The following PTPRA variants were observed in gnomAD, a reference collection of about 807,000 sequenced individuals.
The protein encoded by PTPRA is receptor-type tyrosine-protein phosphatase alpha.
PTPRA carries 25 observed loss-of-function variants against 104.8 expected under a neutral mutation model. That is an observed-to-expected ratio of 0.24 (90% confidence interval 0.17 to 0.33). The LOEUF is 0.33. Among genes scored for constraint, PTPRA ranks in the 10% least tolerant of loss-of-function variants. The pLI is 1.00. For missense variants in PTPRA, 765 were observed against 1,015.3 expected, an observed-to-expected ratio of 0.75 and a Z score of 3.35; for synonymous variants, 323 against 368.9, an observed-to-expected ratio of 0.88 and a Z score of 1.43.
intron 3 of PTPRA, among the ~76,000 whole-genome samples, chr20:2,951,589 C>CA (rs1407574719): frequency 6.6e-6 from 1 of 152,220 alleles, no homozygotes; most frequent in African/African-American, 2.4e-5. Context: ...CTGCAGAACT[C>CA]ACTGAAATTA....
At chr20:2,881,547 A>G (rs948816822) in intron 1 of PTPRA, among the ~76,000 whole-genome samples, 1 of 152,068 alleles carries the variant, frequency 6.6e-6, no homozygotes, top group Non-Finnish European at 1.5e-5. Context: ...ACAGGGTCTC[A>G]CTCTGTTGCC....
chr20:3,024,568 A>C lies in PTPRA; in HGVS notation c.1561A>C (p.Ile521Leu). 1 of 1,614,150 alleles carries C rather than the reference A, an allele frequency of 6.2e-7. No individual in the cohort carries two copies. Among genetic ancestry groups the C allele is most frequent in the Non-Finnish European group, 8.5e-7 (1 of 1,180,026 alleles). Residue 521 changes from isoleucine to leucine, a missense_variant, in exon 17 of 24, where the codon ATT becomes CTT. Physicochemically the swap from Ile to Leu is conservative, Grantham distance 5. Around this residue, in one of 4 missense-constraint regions of PTPRA, gnomAD observed 192 missense variants for 227.0 expected, o/e 0.85. Coordinates refer to ENST00000399903, the MANE Select transcript of PTPRA (RefSeq NM_001385305.1). ...VTSLETHLQK[I>L]YNKIPGTSNN... ...CTCTCTAGAAACCCACCTGCAGAAA[A>C]TTTACAACAAAATCCCAGGGACCAG...
chr20:2,988,404 T>C lies in PTPRA; in HGVS notation c.668T>C (p.Val223Ala), dbSNP rs1381890692. The change falls in exon 9 of 24, where the codon GTG becomes GCG. Residue 223 changes from valine to alanine, a missense_variant. Around this residue, in one of 4 missense-constraint regions of PTPRA, gnomAD observed 245 missense variants for 398.7 expected, o/e 0.61. Transcript: ENST00000399903. ...STNRKYPPLPVDKLEEEINRR... is the reference protein window; with the variant it reads ...STNRKYPPLPADKLEEEINRR... ...AACAGGAAATACCCACCCCTGCCCG[T>C]GGACAAGCTGGAAGAGGAAATTAAC... The C allele has an allele frequency of 4.3e-6, 7 of 1,612,704 alleles. No individual in the cohort carries two copies. The highest frequency in any genetic ancestry group is 1.3e-5 in the African/African-American group (1 of 74,856).
intron 1 of PTPRA, among the ~76,000 whole-genome samples, chr20:2,888,329 A>G (rs564029129): frequency 3.3e-5 from 5 of 152,194 alleles, no homozygotes; most frequent in Non-Finnish European, 7.4e-5. Context: ...GGAGGCCAAC[A>G]TGGGAGGATC....
chr20:2,930,712 A>T (rs1163277089), intron 2 of PTPRA, among the ~76,000 whole-genome samples: 1 of 152,108 alleles, frequency 6.6e-6, no homozygotes, highest in African/African-American at 2.4e-5. Context: ...TTATAAGGAC[A>T]CCAGTCATAT....
chr20:3,027,263 C>T (rs749159809), intron 19 of PTPRA, 66 bp downstream of exon 19: 9 of 1,473,894 alleles, frequency 6.1e-6, no homozygotes, highest in Non-Finnish European at 8.5e-6. Context: ...ACTTGCAGTG[C>T]CTCCCTCCCA....
Position 2,879,460 on chromosome 20 carries a change from T to C in PTPRA, c.-129+5700T>C, listed in dbSNP as rs563194638. Among the ~76,000 whole-genome samples, 13 of 152,242 alleles carry C rather than the reference T, an allele frequency of 8.5e-5. No individual in the cohort carries two copies. In the South Asian group the frequency reaches 2.7e-3, roughly 32 times the overall value. ...GTGAGCACCTAAAACTGGCTGACCA[T>C]GGTGAGCAGGAAGGGGCAGGTGGCT... is the stretch of plus-strand genomic sequence containing the variant. On this transcript the variant is annotated intron_variant, in intron 1 of 23. Transcript: ENST00000399903.
At chr20:2,910,077 G>T (rs1600098554) in intron 1 of PTPRA, among the ~76,000 whole-genome samples, 1 of 116,868 alleles carries the variant, frequency 8.6e-6, no homozygotes, top group African/African-American at 3.4e-5. Flanking sequence ...TATATATGAT[G>T]TATAGTATAT....
intron 3 of PTPRA, among the ~76,000 whole-genome samples, chr20:2,960,554 T>A (rs183689487): frequency 1.5e-3 from 234 of 151,908 alleles, no homozygotes; most frequent in African/African-American, 5.0e-3. Flanking sequence ...ACCTTTTTTT[T>A]AAAAAACAAG....
upstream of PTPRA, among the ~76,000 whole-genome samples, chr20:2,870,063 T>G (rs2089410085): frequency 1.0e-5 from 1 of 96,716 alleles, no homozygotes; most frequent in Admixed American, 9.8e-5. Context: ...AGATACAAAG[T>G]TCCAGTGAAA....
Position 2,982,096 on chromosome 20 carries a change from T to C in PTPRA, c.443-4669T>C, listed in dbSNP as rs541064427. On this transcript the variant is annotated intron_variant, in intron 6 of 23. Coordinates refer to ENST00000399903, the MANE Select transcript of PTPRA (RefSeq NM_001385305.1). ...CTAATTACTTTCTTCTTCTTCTTTT[T>C]TTTTTTTTTTTTGAGGCAGAGTCTC... Among the ~76,000 whole-genome samples the C allele has an allele frequency of 5.6e-4, 85 of 150,560 alleles. 1 individual carries two copies. The highest frequency in any genetic ancestry group is 2.0e-3 in the African/African-American group (81 of 41,178).
At chr20:2,891,866 T>G (rs2058805047) in intron 1 of PTPRA, among the ~76,000 whole-genome samples, 1 of 152,210 alleles carries the variant, frequency 6.6e-6, no homozygotes, top group Non-Finnish European at 1.5e-5. Flanking sequence ...AATCTCCAGA[T>G]TACCTATATG....
chr20:2,899,781 G>A (rs913986014), intron 1 of PTPRA, among the ~76,000 whole-genome samples: 1 of 152,046 alleles, frequency 6.6e-6, no homozygotes, highest in African/African-American at 2.4e-5. Context: ...CAACACAATA[G>A]GGTTTCTTCT....
upstream of PTPRA, among the ~76,000 whole-genome samples, chr20:2,872,985 C>G (rs144223192): frequency 6.8e-3 from 1,041 of 152,272 alleles, 10 homozygotes; most frequent in South Asian, 0.033. This position sits in a 1 kb window ranked among gnomAD's most constrained non-coding sequence, Gnocchi z 7.9. Flanking sequence ...CCCACGGAGC[C>G]AGATCCGTTC....
At position 3,035,519 on chromosome 20, in the gene PTPRA, G is replaced by A. The variant is rs182824914; in HGVS notation, c.1921-66G>A. The A allele has an allele frequency of 1.3e-4, 191 of 1,518,390 alleles. 1 individual carries two copies. In the East Asian group the frequency reaches 3.2e-3, roughly 25 times the overall value. 94.1% of individuals were successfully genotyped at this position (1,518,390 alleles called of 1,614,324 possible). On this transcript the variant is annotated intron_variant, in intron 20 of 23. Transcript: ENST00000399903. The surrounding 1 kb of genome is among the most constrained non-coding windows in gnomAD (Gnocchi z 5.8). ...TGTACTGAGAGGGGTCAGGCTGCTC[G>A]TGGGCAGTGCTGCTTCTACACATGT...
chr20:2,865,130 CATT>C, the PTPRA span: 1 of 1,614,174 alleles, frequency 6.2e-7, no homozygotes, highest in East Asian at 2.2e-5. This position sits in a 1 kb window ranked among gnomAD's most constrained non-coding sequence, Gnocchi z 5.2. Context: ...CATCATGCCT[CATT>C]ATCCGGGTCC....
At chr20:2,990,444 A>G (rs2063120051) in intron 9 of PTPRA, among the ~76,000 whole-genome samples, 1 of 152,190 alleles carries the variant, frequency 6.6e-6, no homozygotes, top group Non-Finnish European at 1.5e-5. Flanking sequence ...AAGGCCAGGC[A>G]TGCTAGCTCA....
chr20:2,998,967 C>G (rs1488724458), intron 9 of PTPRA, among the ~76,000 whole-genome samples: 2 of 149,338 alleles, frequency 1.3e-5, no homozygotes, highest in Non-Finnish European at 3.0e-5. Context: ...ATAAATATGA[C>G]ATTATAGAAT....
chr20:2,910,589 G>GTTTTTTTTTTTTTTTTTTTTTTTTTTTTT (rs1423909050), intron 1 of PTPRA, among the ~76,000 whole-genome samples: 5 of 57,978 alleles, frequency 8.6e-5, no homozygotes, highest in Non-Finnish European at 1.1e-4. Flanking sequence ...TTTTTTTTTT[G>GTTTTTTTTTTTTTTTTTTTTTTTTTTTTT]TTTTTTTTTT....
Sources: gnomAD v4.1 joint callset for allele counts (sites outside exome capture counted in the v4.1 genomes callset) on GRCh38, gnomAD v4.1.1 for gene constraint, gnomAD v4.1.1 regional missense constraint, Gnocchi (gnomAD v3.1) non-coding constraint, MANE v1.5 for transcripts, NCBI Gene and HGNC (gene_info 2026-07-23, HGNC 2026-07-21) for gene names.